The following TRDN variants were observed in gnomAD, a reference collection of about 807,000 sequenced individuals.
TRDN encodes triadin, also known as triadin in skeletal muscle.
Under a neutral mutation model 149.7 loss-of-function variants are expected in TRDN, and 161 were observed. The ratio of observed to expected loss-of-function variants is 1.08; its 90% CI spans 0.95 to 1.23. The LOEUF is 1.23. Ranked by LOEUF, TRDN falls within the 50% of genes most tolerant of loss-of-function variation. The pLI is 0.00. For missense variants in TRDN, 896 were observed against 823.5 expected (o/e 1.09, Z -1.08); for synonymous variants, 294 against 250.5 (o/e 1.17, Z -1.64).
chr6:123,615,920 G>A (rs1016136080), intron 1 of TRDN, among the ~76,000 whole-genome samples: 2 of 152,032 alleles, frequency 1.3e-5, no homozygotes, highest in Non-Finnish European at 2.9e-5. Context: ...CCAACAAAAA[G>A]AAATGATAAA....
At chr6:123,438,583 T>G (rs1435134030) in intron 11 of TRDN, among the ~76,000 whole-genome samples, 1 of 152,120 alleles carries the variant, frequency 6.6e-6, no homozygotes, top group Non-Finnish European at 1.5e-5. Flanking sequence ...ATCAAGTATT[T>G]TCTGCCCTCT....
chr6:123,354,383 C>T (rs1369935051), intron 20 of TRDN, among the ~76,000 whole-genome samples: 3 of 151,806 alleles, frequency 2.0e-5, no homozygotes, highest in African/African-American at 4.8e-5. Flanking sequence ...CCACATAACT[C>T]ATTAAATAGA....
intron 12 of TRDN, among the ~76,000 whole-genome samples, chr6:123,437,605 TC>T (rs1439457737): frequency 6.6e-6 from 1 of 151,930 alleles, no homozygotes; most frequent in Non-Finnish European, 1.5e-5. Context: ...CTGAGAGCCA[TC>T]CCTTTGAAAT....
chr6:123,246,509 T>A (rs1355623697), intron 38 of TRDN, among the ~76,000 whole-genome samples: 1 of 151,696 alleles, frequency 6.6e-6, no homozygotes, highest in Non-Finnish European at 1.5e-5. Context: ...CCAGGACACA[T>A]ACACCCTCCC....
At chr6:123,430,538 C>T (rs763542113) in intron 12 of TRDN, among the ~76,000 whole-genome samples, 9 of 151,808 alleles carry the variant, frequency 5.9e-5, no homozygotes, top group Non-Finnish European at 1.5e-5. Flanking sequence ...GCCGAGATCG[C>T]GCCACTGCAC....
At chr6:123,376,020 G>A (rs2114396198) in intron 18 of TRDN, among the ~76,000 whole-genome samples, 1 of 152,140 alleles carries the variant, frequency 6.6e-6, no homozygotes, top group African/African-American at 2.4e-5. Flanking sequence ...CAAATTGATG[G>A]TTTTAATTTT....
chr6:123,344,946 T>C (rs1780198930), intron 21 of TRDN, among the ~76,000 whole-genome samples: 1 of 152,080 alleles, frequency 6.6e-6, no homozygotes, highest in African/African-American at 2.4e-5. Flanking sequence ...TTTTGGATTT[T>C]AGCTATTTTA....
At chr6:123,363,776 C>T (rs76659314) in intron 20 of TRDN, among the ~76,000 whole-genome samples, 2,975 of 152,208 alleles carry the variant, frequency 0.02, 104 homozygotes, top group African/African-American at 0.067. Flanking sequence ...CCAATTTGTC[C>T]TGATTCAACC....
At chr6:123,499,719 A>AAAAAAAAAAAAAAATATAT in intron 8 of TRDN, among the ~76,000 whole-genome samples, 1 of 47,682 alleles carries the variant, frequency 2.1e-5, no homozygotes, top group African/African-American at 7.1e-5. Context: ...AAAAAAAAAA[A>AAAAAAAAAAAAAAATATAT]ATATATATAT....
chr6:123,270,016 C>T, intron 30 of TRDN, 150 bp from the exon 31 acceptor site: 1 of 620,200 alleles, frequency 1.6e-6, no homozygotes, highest in East Asian at 3.1e-5. Context: ...TAATATTTTA[C>T]TGTCAGCAAA....
intron 12 of TRDN, among the ~76,000 whole-genome samples, chr6:123,428,032 C>T (rs565831400): frequency 6.6e-6 from 1 of 152,222 alleles, no homozygotes; most frequent in East Asian, 1.9e-4. Context: ...ATCATATCAC[C>T]TAGATTTTCA....
intron 2 of TRDN, among the ~76,000 whole-genome samples, chr6:123,568,115 A>G (rs1247772493): frequency 6.6e-6 from 1 of 152,216 alleles, no homozygotes; most frequent in Non-Finnish European, 1.5e-5. Flanking sequence ...CTAAGGCCCC[A>G]TGTAAGTTGA....
chr6:123,501,783 A>G, intron 8 of TRDN: 3 of 824,862 alleles, frequency 3.6e-6, no homozygotes, highest in Non-Finnish European at 4.4e-6. Context: ...TTTAATAGAT[A>G]AATAACTCTT....
chr6:123,336,908 T>C (rs1251102673), intron 22 of TRDN, among the ~76,000 whole-genome samples: 5 of 151,732 alleles, frequency 3.3e-5, no homozygotes, highest in African/African-American at 1.2e-4. Flanking sequence ...ATTACAAGTG[T>C]GTTAATTCAG....
intron 29 of TRDN, among the ~76,000 whole-genome samples, chr6:123,271,652 T>C (rs905390484): frequency 6.6e-6 from 1 of 151,970 alleles, no homozygotes; most frequent in African/African-American, 2.4e-5. Context: ...AGTTGATGCC[T>C]TTGTGGGATG....
At chr6:123,274,405 A>G (rs1389156265) in intron 27 of TRDN, among the ~76,000 whole-genome samples, 1 of 152,114 alleles carries the variant, frequency 6.6e-6, no homozygotes, top group African/African-American at 2.4e-5. Flanking sequence ...CCAGAAACCT[A>G]GAGTCTCTGT....
chr6:123,372,562 G>C (rs1047738649), intron 19 of TRDN, among the ~76,000 whole-genome samples: 1 of 152,040 alleles, frequency 6.6e-6, no homozygotes, highest in African/African-American at 2.4e-5. Context: ...TGGAATACAT[G>C]ATCCCAGCCC....
At chr6:123,298,241 T>C (rs1778279504) in intron 24 of TRDN, among the ~76,000 whole-genome samples, 1 of 152,058 alleles carries the variant, frequency 6.6e-6, no homozygotes, top group Non-Finnish European at 1.5e-5. Context: ...GTCCTGTTGA[T>C]TCTATTTTGT....
chr6:123,592,396 C>T (rs565519672), intron 1 of TRDN, among the ~76,000 whole-genome samples: 1 of 152,222 alleles, frequency 6.6e-6, no homozygotes, highest in South Asian at 2.1e-4. Flanking sequence ...AGACCCTTGT[C>T]CTCTAAGAAC....
Sources: gnomAD v4.1 joint callset for allele counts (sites outside exome capture counted in the v4.1 genomes callset) on GRCh38, gnomAD v4.1.1 for gene constraint, MANE v1.5 for transcripts, NCBI Gene and HGNC (gene_info 2026-07-23, HGNC 2026-07-21) for gene names.